The following COL24A1 variants were observed in gnomAD, a reference collection of about 807,000 sequenced individuals.
The protein encoded by COL24A1 is collagen type XXIV alpha 1 chain.
Under a neutral mutation model 253.9 loss-of-function variants are expected in COL24A1, and 224 were observed. That is an observed-to-expected ratio of 0.88 (90% CI 0.79 to 0.99). COL24A1 has a LOEUF of 0.99. Ranked by LOEUF, COL24A1 falls within the 50% of genes least tolerant of loss-of-function variation. The pLI, the probability that COL24A1 is intolerant of heterozygous loss-of-function variation, is 0.00. For missense variants in COL24A1, 2,131 were observed against 2,068.5 expected (o/e 1.03, Z -0.59); for synonymous variants, 685 against 673.7 (o/e 1.02, Z -0.26).
At chr1:86,008,006 G>A (rs964853365) in intron 19 of COL24A1, among the ~76,000 whole-genome samples, 1 of 152,088 alleles carries the variant, frequency 6.6e-6, no homozygotes, top group African/African-American at 2.4e-5. Flanking sequence ...TTCATCAATT[G>A]TAACAAATGT....
intron 14 of COL24A1, among the ~76,000 whole-genome samples, chr1:86,025,453 G>T (rs565185836): frequency 6.6e-6 from 1 of 152,278 alleles, no homozygotes; most frequent in African/African-American, 2.4e-5. Flanking sequence ...AGAAAGGACT[G>T]TGAGTTCCAC....
chr1:85,889,545 T>A lies in COL24A1; in HGVS notation c.2976+15A>T. ...TGAGAAAGACACAATTAGAAAAGTATAAAGATAAACTTACTGGCTCTCCTG... is the reference window on the plus strand; with the variant it reads ...TGAGAAAGACACAATTAGAAAAGTAAAAAGATAAACTTACTGGCTCTCCTG... On this transcript the variant is annotated intron_variant, in intron 32 of 59. Transcript: ENST00000370571. 6.2e-7 allele frequency: 1 copy of A among 1,606,308 alleles called. No homozygotes were observed. The highest frequency in any genetic ancestry group is 8.5e-7 in the Non-Finnish European group (1 of 1,173,216).
chr1:85,862,427 G>C (rs896320461), intron 37 of COL24A1, among the ~76,000 whole-genome samples: 1 of 25,952 alleles, frequency 3.9e-5, no homozygotes, highest in African/African-American at 1.5e-4. Context: ...GAAAATCTAC[G>C]TTAAAAATCT....
chr1:85,977,068 C>G (rs1387037995), intron 20 of COL24A1, among the ~76,000 whole-genome samples: 2 of 152,182 alleles, frequency 1.3e-5, no homozygotes, highest in Non-Finnish European at 2.9e-5. Context: ...CAATCTCCAG[C>G]ACCAGCCTGG....
chr1:85,748,254 T>C (rs1665493162), intron 55 of COL24A1, among the ~76,000 whole-genome samples: 2 of 152,220 alleles, frequency 1.3e-5, no homozygotes, highest in Non-Finnish European at 2.9e-5. Context: ...TGGTAGTCTG[T>C]CAATAAAAAA....
intron 11 of COL24A1, among the ~76,000 whole-genome samples, chr1:86,049,774 C>A (rs1488919193): frequency 2.0e-5 from 3 of 151,892 alleles, no homozygotes; most frequent in African/African-American, 7.3e-5. Context: ...GTATATTGCT[C>A]TCAAAATCAA....
At chr1:85,863,823 A>G (rs1679454483) in intron 37 of COL24A1, among the ~76,000 whole-genome samples, 2 of 152,236 alleles carry the variant, frequency 1.3e-5, no homozygotes, top group African/African-American at 4.8e-5. Context: ...GCCATCAGAG[A>G]AATGCAAATC....
At chr1:85,971,138 G>T (rs1189374645) in intron 21 of COL24A1, among the ~76,000 whole-genome samples, 1 of 152,122 alleles carries the variant, frequency 6.6e-6, no homozygotes, top group African/African-American at 2.4e-5. Context: ...GAGCCCAGGA[G>T]GTCGAGGCTG....
intron 7 of COL24A1, among the ~76,000 whole-genome samples, chr1:86,084,733 C>T (rs17415754): frequency 0.024 from 3,629 of 152,300 alleles, 66 homozygotes; most frequent in Non-Finnish European, 0.038. Flanking sequence ...AGGGAAATAT[C>T]TTTGGACACA....
rs960315197 is a variant in COL24A1 at position 85,848,391 on chromosome 1, C to A, written c.3355-619G>T. ...GTGGCAAGATCTCAGTTCACTGCAA[C>A]CTCTGCCTCCTGGATTCAAGCGATT... On this transcript the variant is annotated intron_variant, in intron 38 of 59. Transcript: ENST00000370571. Among the ~76,000 whole-genome samples, 3 of 152,094 alleles carry A rather than the reference C, an allele frequency of 2.0e-5. No homozygotes were observed. In the East Asian group the frequency reaches 5.8e-4, roughly 29 times the overall value.
chr1:85,947,466 A>G lies in COL24A1; in HGVS notation c.2562+13783T>C, dbSNP rs558661211. ...CATGCATATTCTTTCAGTTTCATCT[A>G]TGCTATTCTAACTAGAAACTTAATG... On this transcript the variant is annotated intron_variant, in intron 24 of 59. Transcript: ENST00000370571. 4.6e-5 allele frequency among the ~76,000 whole-genome samples: 7 copies of G among 152,338 alleles called. 1 individual carries two copies. In the Middle Eastern group the frequency reaches 0.01, roughly 222 times the overall value.
chr1:85,856,699 C>G (rs1386257442), intron 37 of COL24A1, among the ~76,000 whole-genome samples: 1 of 152,170 alleles, frequency 6.6e-6, no homozygotes, highest in African/African-American at 2.4e-5. Context: ...CCCACCTCCA[C>G]TGTAATAAGG....
intron 18 of COL24A1, among the ~76,000 whole-genome samples, chr1:86,020,061 C>CTTTTTTTTTT (rs10582249): frequency 4.0e-4 from 41 of 102,628 alleles, no homozygotes; most frequent in East Asian, 1.5e-3. Flanking sequence ...TTCATTCTTT[C>CTTTTTTTTTT]TTTTTTTTTT....
intron 10 of COL24A1, among the ~76,000 whole-genome samples, chr1:86,055,222 T>C (rs1700583428): frequency 1.3e-5 from 2 of 152,142 alleles, no homozygotes; most frequent in Admixed American, 1.3e-4. Context: ...ACAGGATCAC[T>C]AAAAGCCCAA....
chr1:85,914,902 A>C (rs1685745276), intron 24 of COL24A1, among the ~76,000 whole-genome samples: 1 of 152,156 alleles, frequency 6.6e-6, no homozygotes, highest in Admixed American at 6.5e-5. Context: ...TTATGATCTT[A>C]TTATTGTCTT....
At position 86,127,709 on chromosome 1, in the gene COL24A1, A is replaced by G. The variant is rs567962055; in HGVS notation, c.122-1495T>C. 2.0e-5 allele frequency among the ~76,000 whole-genome samples: 3 copies of G among 152,152 alleles called. No individual in the cohort carries two copies. In the South Asian group the frequency reaches 6.2e-4, roughly 32 times the overall value. On this transcript the variant is annotated intron_variant, in intron 2 of 59. Coordinates refer to ENST00000370571, the MANE Select transcript of COL24A1 (RefSeq NM_152890.7). ...AAAAGTCTTTGAAGATTAGCCAGGA[A>G]CGTTTGGCATCACCTTACTTTTTCC...
At chr1:86,122,370 C>T (rs1319349535) in intron 3 of COL24A1, among the ~76,000 whole-genome samples, 1 of 151,932 alleles carries the variant, frequency 6.6e-6, no homozygotes, top group Non-Finnish European at 1.5e-5. Flanking sequence ...GCAAACATCC[C>T]CCTCATTTGA....
intron 52 of COL24A1, among the ~76,000 whole-genome samples, chr1:85,776,401 G>A (rs1194011564): frequency 2.6e-5 from 4 of 152,024 alleles, no homozygotes. Context: ...TGAAACGAAT[G>A]TAGTTTGCCA....
intron 2 of COL24A1, among the ~76,000 whole-genome samples, chr1:86,144,296 A>T (rs1403760742): frequency 1.3e-5 from 2 of 152,112 alleles, no homozygotes; most frequent in Non-Finnish European, 2.9e-5. Context: ...CTAGATTTTT[A>T]AAAAATAAGT....
Sources: allele counts gnomAD v4.1 joint callset (sites outside exome capture counted in the v4.1 genomes callset), GRCh38; gene constraint gnomAD v4.1.1; transcripts MANE v1.5; gene names NCBI Gene and HGNC (gene_info 2026-07-23, HGNC 2026-07-21).